The following ADGRD1 variants were observed in gnomAD, a reference collection of about 807,000 sequenced individuals.
The protein encoded by ADGRD1 is G-protein coupled receptor 133.
A neutral mutation model predicts 113.4 loss-of-function variants in ADGRD1; 77 were observed. The ratio of observed to expected loss-of-function variants is 0.68; its 90% CI spans 0.57 to 0.82. ADGRD1 has a LOEUF of 0.82. ADGRD1 is among the 40% of genes least tolerant of loss of function. ADGRD1 has a pLI of 0.00. For missense variants in ADGRD1, 1,036 were observed against 1,139.1 expected, an observed-to-expected ratio of 0.91 and a Z score of 1.30; for synonymous variants, 474 against 475.0, an observed-to-expected ratio of 1.00 and a Z score of 0.03.
intron 7 of ADGRD1, among the ~76,000 whole-genome samples, chr12:130,991,617 GGTT>G (rs761624479): frequency 2.6e-4 from 40 of 152,124 alleles, no homozygotes; most frequent in Non-Finnish European, 5.7e-4. Flanking sequence ...TATTTTGTAA[GGTT>G]GTTGTGAGGA....
At chr12:131,115,840 C>T in intron 18 of ADGRD1, among the ~76,000 whole-genome samples, 1 of 152,138 alleles carries the variant, frequency 6.6e-6, no homozygotes, top group Non-Finnish European at 1.5e-5. Flanking sequence ...TCGAGGGGCT[C>T]ATCATTCATA....
chr12:130,979,817 T>TCACACACA (rs10526212), intron 4 of ADGRD1, among the ~76,000 whole-genome samples: 2,499 of 53,784 alleles, frequency 0.046, 29 homozygotes, highest in South Asian at 0.097. Flanking sequence ...AGCTAGTGTC[T>TCACACACA]CACACACACA....
At chr12:130,979,265 G>A (rs952401692) in intron 4 of ADGRD1, among the ~76,000 whole-genome samples, 7 of 152,192 alleles carry the variant, frequency 4.6e-5, no homozygotes, top group Admixed American at 4.6e-4. Context: ...GGTCCAGAAA[G>A]GTCCAGGCCT....
At chr12:131,110,070 C>T (rs1053942491) in intron 18 of ADGRD1, among the ~76,000 whole-genome samples, 1 of 152,232 alleles carries the variant, frequency 6.6e-6, no homozygotes, top group Non-Finnish European at 1.5e-5. Context: ...CATCCTTTTA[C>T]TTTCCACTTA....
At chr12:131,066,460 T>C (rs1244637302) in intron 13 of ADGRD1, among the ~76,000 whole-genome samples, 1 of 152,126 alleles carries the variant, frequency 6.6e-6, no homozygotes, top group Non-Finnish European at 1.5e-5. Flanking sequence ...GGCTGGGCCA[T>C]TGTCCTCGGC....
Position 131,136,995 on chromosome 12 carries a change from A to G in ADGRD1, c.2417A>G (p.His806Arg). The G allele has an allele frequency of 6.2e-7, 1 of 1,612,214 alleles. No homozygotes were observed. Among genetic ancestry groups the G allele is most frequent in the East Asian group, 2.2e-5 (1 of 44,834 alleles). Residue 806 changes from histidine to arginine, a missense_variant, in exon 23 of 25, where the codon CAT becomes CGT. Coordinates refer to ENST00000261654, the MANE Select transcript of ADGRD1 (RefSeq NM_198827.5). Reference protein sequence around the residue: ...SLQGLFIFLFHCLLNSEVRAA... With the variant: ...SLQGLFIFLFRCLLNSEVRAA... ...CAGGGACTGTTCATATTCCTCTTTC[A>G]TTGTCTCCTGAATTCAGAGGTACGT...
chr12:131,064,080 C>G (rs61936935), intron 13 of ADGRD1, among the ~76,000 whole-genome samples: 13,586 of 152,242 alleles, frequency 0.089, 823 homozygotes, highest in Non-Finnish European at 0.13. Flanking sequence ...GAGTTTCTTT[C>G]TGGATTCCTT....
intron 15 of ADGRD1, among the ~76,000 whole-genome samples, chr12:131,103,438 A>G (rs1950142782): frequency 6.6e-6 from 1 of 152,270 alleles, no homozygotes; most frequent in Admixed American, 6.5e-5. Flanking sequence ...CCACGCACCC[A>G]GGAATCTAGC....
chr12:130,965,217 C>T lies in ADGRD1; in HGVS notation c.104-1246C>T, dbSNP rs1378202279. ...TGTTGGAATACAGAAAAGCAATTGA[C>T]ATTTGTATATTAAATTTGTACAAGC... On this transcript the variant is annotated intron_variant, in intron 2 of 24. Transcript: ENST00000261654. The surrounding 1 kb of genome is among the most constrained non-coding windows in gnomAD (Gnocchi z 4.8). Among the ~76,000 whole-genome samples the T allele has an allele frequency of 6.6e-6, 1 of 152,124 alleles. No individual in the cohort carries two copies. Among genetic ancestry groups the T allele is most frequent in the Non-Finnish European group, 1.5e-5 (1 of 68,034 alleles).
chr12:131,124,387 G>A (rs935695880), intron 20 of ADGRD1, among the ~76,000 whole-genome samples: 3 of 152,234 alleles, frequency 2.0e-5, no homozygotes, highest in African/African-American at 7.2e-5. Flanking sequence ...AGAGGTTTGG[G>A]TTTGGGGAGT....
rs7304370 is a variant in ADGRD1 at position 131,128,088 on chromosome 12, T to G, written c.2176-3637T>G. ...CTGAGCTCAGGTGGGGTGTTGGTTG[T>G]GTTGGTTGTGATGGGATTCTGAGCT... is the stretch of plus-strand genomic sequence containing the variant. On this transcript the variant is annotated intron_variant, in intron 20 of 24. Transcript: ENST00000261654. Among the ~76,000 whole-genome samples, 11 of 121,166 alleles carry G rather than the reference T, an allele frequency of 9.1e-5. No homozygotes were observed. In the South Asian group the frequency reaches 2.0e-3, roughly 22 times the overall value. The allele number at this position is 121,166 out of a possible 152,430, so 79.5% of individuals were successfully genotyped here.
chr12:131,026,731 C>G (rs1880003227), intron 13 of ADGRD1: 1 of 152,306 alleles, frequency 6.6e-6, no homozygotes, highest in South Asian at 2.1e-4. Flanking sequence ...ATGCCAGCAG[C>G]CCCTCCCCAG....
In ADGRD1 at chr12:131,084,726, G is replaced by A. The variant is rs1173520277; in HGVS notation, c.1671+63G>A. On this transcript the variant is annotated intron_variant, in intron 15 of 24. Transcript: ENST00000261654. This position sits in a 1 kb window ranked among gnomAD's most constrained non-coding sequence, Gnocchi z 4.5. ...ACGTACCATGAGGCTGCAGGTGGGG[G>A]CGGGAGGATGCTTTGCCCGCCAGTG... The A allele has an allele frequency of 2.5e-6, 4 of 1,575,090 alleles. No homozygotes were observed. Among genetic ancestry groups the A allele is most frequent in the African/African-American group, 1.3e-5 (1 of 74,128 alleles).
intron 15 of ADGRD1, among the ~76,000 whole-genome samples, chr12:131,104,049 C>T (rs1371820683): frequency 6.6e-6 from 1 of 152,224 alleles, no homozygotes; most frequent in Non-Finnish European, 1.5e-5. Context: ...CGGTTCTATC[C>T]TTTGTGGCCC....
chr12:131,057,928 G>A lies in ADGRD1; in HGVS notation c.1474-18873G>A, dbSNP rs961596055. 6.6e-6 allele frequency among the ~76,000 whole-genome samples: 1 copy of A among 152,064 alleles called. No individual in the cohort carries two copies. The highest frequency in any genetic ancestry group is 1.5e-5 in the Non-Finnish European group (1 of 68,034). ...CCGCAGCCGTCTTCGTGCTCATCTCGCTTCTTTCTTGTTCATGTTTTTCCT... is the reference window on the plus strand; with the variant it reads ...CCGCAGCCGTCTTCGTGCTCATCTCACTTCTTTCTTGTTCATGTTTTTCCT... On this transcript the variant is annotated intron_variant, in intron 13 of 24. Transcript: ENST00000261654. This position sits in a 1 kb window ranked among gnomAD's most constrained non-coding sequence, Gnocchi z 4.2.
chr12:131,109,463 A>G (rs934851015), intron 18 of ADGRD1, among the ~76,000 whole-genome samples: 3 of 152,140 alleles, frequency 2.0e-5, no homozygotes, highest in Non-Finnish European at 2.9e-5. Context: ...AATTCATCTC[A>G]AAGTATTTTC....
At chr12:131,000,188 A>C (rs1183187686) in intron 8 of ADGRD1, among the ~76,000 whole-genome samples, 195 bp from the exon 9 acceptor site, 1 of 152,256 alleles carries the variant, frequency 6.6e-6, no homozygotes, top group Non-Finnish European at 1.5e-5. Flanking sequence ...CCACAGGAGC[A>C]AATAAGATAA....
At chr12:131,036,677 ACACCGGGCCTCACTCACTG>A (rs1566052032) in intron 13 of ADGRD1, among the ~76,000 whole-genome samples, 5 of 63,168 alleles carry the variant, frequency 7.9e-5, no homozygotes, top group Non-Finnish European at 1.2e-4. Flanking sequence ...CTCACTCAGT[ACACCGGGCCTCACTCACTG>A]CACCGGGCCT....
chr12:131,071,800 C>T (rs948920286), intron 13 of ADGRD1, among the ~76,000 whole-genome samples: 5 of 152,010 alleles, frequency 3.3e-5, no homozygotes, highest in Non-Finnish European at 5.9e-5. Flanking sequence ...TGAACTCAGC[C>T]GCCTCGCCCG....
Sources: allele counts gnomAD v4.1 joint callset (sites outside exome capture counted in the v4.1 genomes callset), GRCh38; gene constraint gnomAD v4.1.1; non-coding constraint Gnocchi (gnomAD v3.1); transcripts MANE v1.5; gene names NCBI Gene and HGNC (gene_info 2026-07-23, HGNC 2026-07-21).